The following YEATS2 variants were observed in gnomAD, a reference collection of about 807,000 sequenced individuals.
YEATS2 encodes the protein YEATS domain containing 2.
Under a neutral mutation model 163.2 loss-of-function variants are expected in YEATS2, and 77 were observed. The ratio of observed to expected loss-of-function variants is 0.47; its 90% CI spans 0.39 to 0.57. YEATS2 has a LOEUF of 0.57. YEATS2 is among the 20% of genes least tolerant of loss of function. The probability of loss-of-function intolerance (pLI) is 0.00; values close to 1 mark genes in which losing one functional copy is unlikely to be tolerated. For missense variants in YEATS2, 1,549 were observed against 1,729.8 expected, an observed-to-expected ratio of 0.90 and a Z score of 1.85; for synonymous variants, 631 against 645.1, an observed-to-expected ratio of 0.98 and a Z score of 0.33.
Position 183,722,009 on chromosome 3 carries a change from A to T in YEATS2, c.410A>T (p.His137Leu), listed in dbSNP as rs545465867. The stretch of plus-strand genomic sequence containing the variant: ...AGAGCAGAAACACCATCAGCCAATC[A>T]TTCAGAAAGTGATTCTTTATCTCAG... ...NQRAETPSAN[H>L]SESDSLSQHN... Residue 137 changes from histidine to leucine, a missense_variant, in exon 5 of 31, where the codon CAT (histidine) becomes CTT (leucine). Coordinates refer to ENST00000305135, the MANE Select transcript of YEATS2 (RefSeq NM_018023.5). 6 of 1,614,196 alleles carry T rather than the reference A, an allele frequency of 3.7e-6. No homozygotes were observed. The South Asian group carries it at 4.4e-5, about 12-fold the overall frequency.
Position 183,731,356 on chromosome 3 carries a change from G to A in YEATS2, c.812+2505G>A, listed in dbSNP as rs188240953. ...AATAAGATTTTTGTAGGTAGGTACA[G>A]TATGTTTTTCTTCTTGTGTATTAAT... On this transcript the variant is annotated intron_variant, in intron 7 of 30. Coordinates refer to ENST00000305135, the MANE Select transcript of YEATS2 (RefSeq NM_018023.5). Among the ~76,000 whole-genome samples the A allele has an allele frequency of 7.1e-4, 107 of 150,650 alleles. 1 individual carries two copies. Among genetic ancestry groups the A allele is most frequent in the African/African-American group, 1.9e-3 (77 of 40,996 alleles).
intron 10 of YEATS2, 113 bp from the exon 11 acceptor site, chr3:183,754,013 T>C (rs1720455109): frequency 7.5e-7 from 1 of 1,331,644 alleles, no homozygotes; most frequent in Non-Finnish European, 1.0e-6. Context: ...TTGCTACCAG[T>C]ACATGGTTTA....
intron 21 of YEATS2, among the ~76,000 whole-genome samples, chr3:183,791,633 A>G (rs1724663759): frequency 6.6e-6 from 1 of 152,172 alleles, no homozygotes; most frequent in Admixed American, 6.5e-5. Context: ...TTTTCCTATA[A>G]TCAGTGTCGA....
intron 1 of YEATS2, among the ~76,000 whole-genome samples, chr3:183,706,330 C>T (rs1198761500): frequency 6.6e-6 from 1 of 151,952 alleles, no homozygotes; most frequent in African/African-American, 2.4e-5. Context: ...GGAGACAGGG[C>T]GCAGTTCACA....
chr3:183,741,523 T>G (rs1401523490), intron 8 of YEATS2, among the ~76,000 whole-genome samples: 1 of 152,160 alleles, frequency 6.6e-6, no homozygotes, highest in Non-Finnish European at 1.5e-5. Context: ...GGCTTATGTC[T>G]GTAATCCCAG....
chr3:183,787,111 T>C (rs76165934), intron 20 of YEATS2, among the ~76,000 whole-genome samples: 2,574 of 152,146 alleles, frequency 0.017, 81 homozygotes, highest in East Asian at 0.14. Flanking sequence ...CGCACCACCA[T>C]GTCCGGCTAA....
intron 19 of YEATS2, among the ~76,000 whole-genome samples, chr3:183,782,132 A>T (rs1325650104): frequency 2.3e-4 from 35 of 152,014 alleles, no homozygotes; most frequent in African/African-American, 8.2e-4. Context: ...TTTTTGAGAC[A>T]GAGTTTCGCT....
At chr3:183,755,733 CTTCCTTTCTT>C (rs755983317) in intron 11 of YEATS2, among the ~76,000 whole-genome samples, 8 of 40,964 alleles carry the variant, frequency 2.0e-4, no homozygotes, top group Admixed American at 3.2e-4. Context: ...GATTTTCTTC[CTTCCTTTCTT>C]TTTTTTTTTT....
chr3:183,807,419 G>A (rs1726328852), intron 28 of YEATS2: 1 of 324,654 alleles, frequency 3.1e-6, no homozygotes, highest in Admixed American at 4.6e-5. Context: ...ATCTGCCTCA[G>A]TAGAAGCACC....
chr3:183,808,813 G>A (rs988479564), intron 29 of YEATS2: 4 of 280,212 alleles, frequency 1.4e-5, no homozygotes, highest in Middle Eastern at 1.2e-3. Flanking sequence ...CCAAGATCGC[G>A]CCACTGCGCT....
At chr3:183,703,199 C>T (rs549333450) in intron 1 of YEATS2, among the ~76,000 whole-genome samples, 16 of 152,256 alleles carry the variant, frequency 1.1e-4, no homozygotes, top group African/African-American at 2.4e-4. Flanking sequence ...CTCAGCTTCT[C>T]GCCATTCAGG....
chr3:183,784,740 C>T (rs574035171), intron 19 of YEATS2, among the ~76,000 whole-genome samples: 269 of 151,572 alleles, frequency 1.8e-3, no homozygotes, highest in Middle Eastern at 3.4e-3. Context: ...AACAGAGGTC[C>T]TACGGCCTGA....
At chr3:183,709,154 C>G (rs1446462008) in intron 1 of YEATS2, among the ~76,000 whole-genome samples, 1 of 150,942 alleles carries the variant, frequency 6.6e-6, no homozygotes. Flanking sequence ...AAGTGAGACT[C>G]TGTCTCAAAA....
intron 8 of YEATS2, among the ~76,000 whole-genome samples, chr3:183,743,858 T>A (rs1382242158): frequency 6.6e-6 from 1 of 152,184 alleles, no homozygotes; most frequent in Non-Finnish European, 1.5e-5. Flanking sequence ...GTAGAATTCC[T>A]TTTTCATTCC....
chr3:183,700,087 G>T (rs1046383963), intron 1 of YEATS2, among the ~76,000 whole-genome samples: 1 of 151,982 alleles, frequency 6.6e-6, no homozygotes, highest in African/African-American at 2.4e-5. Flanking sequence ...TTGGCTGTTT[G>T]TGAATTTCTT....
At chr3:183,764,078 A>C (rs1016260548) in intron 15 of YEATS2, among the ~76,000 whole-genome samples, 1 of 152,068 alleles carries the variant, frequency 6.6e-6, no homozygotes, top group South Asian at 2.1e-4. Context: ...AAACAAAAAA[A>C]CAAAAAACAA....
intron 7 of YEATS2, among the ~76,000 whole-genome samples, chr3:183,730,052 G>GTTTGTTTGTTTTT (rs1560244258): frequency 2.4e-5 from 1 of 41,696 alleles, no homozygotes; most frequent in African/African-American, 8.2e-5. Flanking sequence ...TTTTTTGTTT[G>GTTTGTTTGTTTTT]TTTTTTTTTT....
At position 183,810,822 on chromosome 3, in the gene YEATS2, C is replaced by T. The variant is rs148111581; in HGVS notation, c.*239C>T. 1,280 of 498,072 alleles carry T rather than the reference C, an allele frequency of 2.6e-3. 11 individuals carry two copies. Among genetic ancestry groups the T allele is most frequent in the African/African-American group, 0.017 (868 of 51,508 alleles). The allele number at this position is 498,072 out of a possible 1,614,324, so 30.9% of individuals were successfully genotyped here. On this transcript the variant is annotated 3_prime_UTR_variant, in exon 31 of 31. Transcript: ENST00000305135. ...GGCTGTCAGTGGATCCGTGCTTTGT[C>T]GGCCAGCGTTTCTGCAGTCTTTGTA...
intron 17 of YEATS2, among the ~76,000 whole-genome samples, chr3:183,775,697 T>G (rs527357490): frequency 6.6e-6 from 1 of 152,224 alleles, no homozygotes; most frequent in Non-Finnish European, 1.5e-5. Context: ...TACAGTCAGT[T>G]GTCATGCAGT....
Sources: allele counts gnomAD v4.1 joint callset (sites outside exome capture counted in the v4.1 genomes callset), GRCh38; gene constraint gnomAD v4.1.1; transcripts MANE v1.5; gene names NCBI Gene and HGNC (gene_info 2026-07-23, HGNC 2026-07-21).